The following ELOVL7 variants were observed in gnomAD, a reference collection of about 807,000 sequenced individuals.
ELOVL7 encodes very long chain fatty acid elongase 7.
A neutral mutation model predicts 35.7 loss-of-function variants in ELOVL7; 27 were observed. The observed-to-expected ratio is 0.76, with a 90% CI of 0.56 to 1.04. The LOEUF (loss-of-function observed/expected upper bound fraction) is 1.04, where lower values mean the gene tolerates loss of function less well. Ranked by LOEUF, ELOVL7 falls within the 50% of genes least tolerant of loss-of-function variation. The pLI is 0.00. For missense variants in ELOVL7, 327 were observed against 340.8 expected, an observed-to-expected ratio of 0.96 and a Z score of 0.32; for synonymous variants, 113 against 114.6, an observed-to-expected ratio of 0.99 and a Z score of 0.09.
chr5:60,818,880 C>G (rs906560636), intron 1 of ELOVL7, among the ~76,000 whole-genome samples: 4 of 151,270 alleles, frequency 2.6e-5, no homozygotes, highest in Admixed American at 6.6e-5. Flanking sequence ...TGGTGGTGGG[C>G]ACCTGTAATC....
intron 1 of ELOVL7, among the ~76,000 whole-genome samples, chr5:60,801,437 C>T (rs774028983): frequency 6.6e-6 from 1 of 152,150 alleles, no homozygotes; most frequent in Non-Finnish European, 1.5e-5. Flanking sequence ...TGTGGTGGCT[C>T]ACATCCGTAA....
chr5:60,803,099 G>A (rs1290663621), intron 1 of ELOVL7, among the ~76,000 whole-genome samples: 1 of 152,120 alleles, frequency 6.6e-6, no homozygotes, highest in Non-Finnish European at 1.5e-5. Flanking sequence ...GCCCTTAAAT[G>A]TCCCTTCCCA....
intron 3 of ELOVL7, among the ~76,000 whole-genome samples, chr5:60,778,103 A>C (rs1237775490): frequency 6.6e-6 from 1 of 152,240 alleles, no homozygotes; most frequent in East Asian, 1.9e-4. Context: ...CATCACTGAA[A>C]TCTTTTACTG....
At chr5:60,819,458 A>G (rs1382750954) in intron 1 of ELOVL7, among the ~76,000 whole-genome samples, 1 of 152,062 alleles carries the variant, frequency 6.6e-6, no homozygotes, top group Non-Finnish European at 1.5e-5. Flanking sequence ...TGTACAAATG[A>G]GAGGTGCTAG....
At chr5:60,810,940 A>AT in intron 1 of ELOVL7, among the ~76,000 whole-genome samples, 1 of 152,252 alleles carries the variant, frequency 6.6e-6, no homozygotes, top group East Asian at 1.9e-4. Context: ...AGAAGGCCCA[A>AT]TTTTCTCAGT....
At chr5:60,798,055 C>A (rs1267253449) in intron 2 of ELOVL7, among the ~76,000 whole-genome samples, 1 of 152,140 alleles carries the variant, frequency 6.6e-6, no homozygotes, top group Non-Finnish European at 1.5e-5. Context: ...GTTTCCACAC[C>A]AAACCAATGT....
chr5:60,775,307 C>T (rs753293157), intron 3 of ELOVL7, among the ~76,000 whole-genome samples: 148 of 152,202 alleles, frequency 9.7e-4, no homozygotes, highest in Non-Finnish European at 1.8e-3. Flanking sequence ...AGGAGCATTA[C>T]AAAACACTGC....
intron 1 of ELOVL7, among the ~76,000 whole-genome samples, chr5:60,810,891 C>T (rs1235561628): frequency 6.6e-6 from 1 of 152,158 alleles, no homozygotes; most frequent in Non-Finnish European, 1.5e-5. Flanking sequence ...TGGCATTCGT[C>T]AATCAGTAAA....
At chr5:60,839,619 A>T (rs1299480952) in intron 1 of ELOVL7, among the ~76,000 whole-genome samples, 2 of 152,232 alleles carry the variant, frequency 1.3e-5, no homozygotes, top group African/African-American at 4.8e-5. Context: ...TTTCCATGCT[A>T]CGTGATGTAT....
At chr5:60,829,300 A>G (rs923124423) in intron 1 of ELOVL7, among the ~76,000 whole-genome samples, 12 of 152,190 alleles carry the variant, frequency 7.9e-5, no homozygotes, top group African/African-American at 2.9e-4. Context: ...TCAAAATGTT[A>G]GCAATTGTTA....
chr5:60,819,703 T>C (rs1745775941), intron 1 of ELOVL7, among the ~76,000 whole-genome samples: 1 of 152,050 alleles, frequency 6.6e-6, no homozygotes, highest in Admixed American at 6.5e-5. Flanking sequence ...CGAGAATCAT[T>C]TGAACCTGGG....
chr5:60,810,867 G>A (rs1469007819), intron 1 of ELOVL7, among the ~76,000 whole-genome samples: 1 of 152,090 alleles, frequency 6.6e-6, no homozygotes, highest in African/African-American at 2.4e-5. Context: ...GGTGAGTCAA[G>A]GACTAAATAT....
At chr5:60,795,805 G>A (rs1192659998) in intron 2 of ELOVL7, among the ~76,000 whole-genome samples, 1 of 151,514 alleles carries the variant, frequency 6.6e-6, no homozygotes, top group South Asian at 2.1e-4. Context: ...AACACTAGTC[G>A]CTAGGTTCCA....
chr5:60,769,637 A>T (rs1742453517), intron 4 of ELOVL7, among the ~76,000 whole-genome samples: 2 of 152,378 alleles, frequency 1.3e-5, no homozygotes, highest in African/African-American at 4.8e-5. Flanking sequence ...TGCCATCAAC[A>T]GATGGATGGC....
intron 6 of ELOVL7, 37 bp from the exon 7 acceptor site, chr5:60,764,369 T>C: frequency 1.4e-6 from 2 of 1,462,156 alleles, no homozygotes; most frequent in Non-Finnish European, 1.9e-6. Flanking sequence ...TCACAGAAAA[T>C]CATTTGATAG....
At chr5:60,766,525 C>T (rs202246217) in intron 6 of ELOVL7, 49 bp downstream of exon 6, 4 of 1,464,660 alleles carry the variant, frequency 2.7e-6, no homozygotes, top group African/African-American at 2.8e-5. Flanking sequence ...CATTTAAGAT[C>T]AAACATTTAA....
At chr5:60,763,976 A>G (rs1742077524) in intron 7 of ELOVL7, among the ~76,000 whole-genome samples, 1 of 152,184 alleles carries the variant, frequency 6.6e-6, no homozygotes, top group Non-Finnish European at 1.5e-5. Flanking sequence ...AGAATAAAAT[A>G]CAAACAAAAC....
intron 7 of ELOVL7, among the ~76,000 whole-genome samples, chr5:60,759,030 T>C (rs1297537661): frequency 6.6e-6 from 1 of 152,164 alleles, no homozygotes; most frequent in African/African-American, 2.4e-5. Context: ...CTAACAAAAC[T>C]GTTACACAGT....
chr5:60,771,019 T>C (rs560405191), intron 4 of ELOVL7, among the ~76,000 whole-genome samples: 1 of 152,290 alleles, frequency 6.6e-6, no homozygotes, highest in Admixed American at 6.5e-5. Context: ...AGATTTAAAG[T>C]GATCGATATG....
Sources: gnomAD v4.1 joint callset for allele counts (sites outside exome capture counted in the v4.1 genomes callset) on GRCh38, gnomAD v4.1.1 for gene constraint, MANE v1.5 for transcripts, NCBI Gene and HGNC (gene_info 2026-07-23, HGNC 2026-07-21) for gene names.